Variants in IL1RAPL2 observed in about 807,000 individuals in gnomAD.
The protein encoded by IL1RAPL2 is interleukin 1 receptor accessory protein like 2, also known as X-linked interleukin-1 receptor accessory protein-like 2.
Under a neutral mutation model 44.1 loss-of-function variants are expected in IL1RAPL2, and 3 were observed. That is an observed-to-expected ratio of 0.07 (90% CI 0.03 to 0.18). The LOEUF (loss-of-function observed/expected upper bound fraction) is 0.18. Ranked by LOEUF, IL1RAPL2 falls within the 10% of genes least tolerant of loss-of-function variation. The pLI is 1.00. For synonymous variants in IL1RAPL2, 181 were observed against 178.8 expected (o/e 1.01, Z -0.10); for missense variants, 391 against 496.4 (o/e 0.79, Z 2.02).
intron 5 of IL1RAPL2, among the ~76,000 whole-genome samples, chrX:105,352,264 GA>G (rs2035162053): frequency 9.0e-6 from 1 of 111,103 alleles, no homozygotes; most frequent in Non-Finnish European, 1.9e-5. Context: ...ACAAATCCAT[GA>G]AATCCAAAAT....
At chrX:104,689,000 A>G (rs1016802467) in intron 2 of IL1RAPL2, among the ~76,000 whole-genome samples, 1 of 111,437 alleles carries the variant, frequency 9.0e-6, no homozygotes, top group Non-Finnish European at 1.9e-5. Flanking sequence ...TCTAAGCCCA[A>G]TGTGCGCCTA....
intron 2 of IL1RAPL2, among the ~76,000 whole-genome samples, chrX:104,709,242 A>C (rs1931412743): frequency 9.2e-6 from 1 of 108,961 alleles, no homozygotes; most frequent in African/African-American, 3.3e-5. Context: ...CAGAGAAGAC[A>C]CTCTGAAATT....
chrX:105,541,882 G>A (rs2036739219), intron 6 of IL1RAPL2, among the ~76,000 whole-genome samples: 1 of 111,063 alleles, frequency 9.0e-6, no homozygotes, highest in African/African-American at 3.3e-5. Flanking sequence ...TAGTAGGGTA[G>A]TTCAAGCCAC....
At chrX:105,638,263 CTTTT>C (rs1222603749) in intron 6 of IL1RAPL2, among the ~76,000 whole-genome samples, 1 of 109,410 alleles carries the variant, frequency 9.1e-6, no homozygotes, top group African/African-American at 3.3e-5. Context: ...TTCTTCTTTT[CTTTT>C]TTTTTCTTTT....
chrX:105,736,149 G>T (rs375181746), intron 7 of IL1RAPL2, among the ~76,000 whole-genome samples: 2 of 111,550 alleles, frequency 1.8e-5, no homozygotes, highest in African/African-American at 6.5e-5. Context: ...AATAAATGGT[G>T]CTGGGATTAT....
intron 5 of IL1RAPL2, among the ~76,000 whole-genome samples, chrX:105,312,206 G>A (rs1322209897): frequency 9.0e-6 from 1 of 111,404 alleles, no homozygotes. Flanking sequence ...TGGAATGGAT[G>A]GAAAGAAAGG....
At position 104,879,372 on chromosome X, in the gene IL1RAPL2, A is replaced by AAAAAAAAAAAAAG. The variant is rs1190843539; in HGVS notation, c.82+220379_82+220391dup. Among the ~76,000 whole-genome samples, 230 of 102,620 alleles carry AAAAAAAAAAAAAG rather than the reference A, an allele frequency of 2.2e-3. 6 individuals carry two copies. Among genetic ancestry groups the AAAAAAAAAAAAAG allele is most frequent in the Non-Finnish European group, 2.4e-3 (120 of 50,277 alleles). 89.1% of individuals were successfully genotyped at this position (102,620 alleles called of 115,157 possible). On this transcript the variant is annotated intron_variant, in intron 2 of 10. Transcript: ENST00000372582. ...GAGACCAAGCAAAACTAGTAAAAAA[A>AAAAAAAAAAAAAG]AAAAAAAAAAAAGAGTGCAGAAAAC...
chrX:104,886,907 C>T (rs1246544827), intron 2 of IL1RAPL2, among the ~76,000 whole-genome samples: 3 of 111,991 alleles, frequency 2.7e-5, no homozygotes, highest in Non-Finnish European at 3.8e-5. Context: ...TTTTGGCTAC[C>T]AGTTTGGAAA....
At chrX:105,109,834 C>T (rs2032783557) in intron 2 of IL1RAPL2, among the ~76,000 whole-genome samples, 1 of 112,212 alleles carries the variant, frequency 8.9e-6, no homozygotes, top group Non-Finnish European at 1.9e-5. Flanking sequence ...TAGAAAAATG[C>T]TGAGTGACTT....
intron 5 of IL1RAPL2, among the ~76,000 whole-genome samples, chrX:105,384,310 T>C (rs1183090432): frequency 1.8e-5 from 2 of 111,602 alleles, no homozygotes; most frequent in African/African-American, 3.3e-5. Flanking sequence ...GGGACCTAGT[T>C]TTATTATTTT....
At chrX:105,253,276 G>A (rs2147648238) in intron 4 of IL1RAPL2, among the ~76,000 whole-genome samples, 1 of 110,664 alleles carries the variant, frequency 9.0e-6, no homozygotes, top group Admixed American at 9.7e-5. Flanking sequence ...TTTCTTGTTG[G>A]GAAGTTTCTA....
At chrX:104,835,541 G>A (rs1921719705) in intron 2 of IL1RAPL2, among the ~76,000 whole-genome samples, 1 of 111,337 alleles carries the variant, frequency 9.0e-6, no homozygotes, top group African/African-American at 3.3e-5. Flanking sequence ...ATTTAGATTT[G>A]AATTTTTTTG....
chrX:105,408,970 G>C (rs1290654050), intron 5 of IL1RAPL2, among the ~76,000 whole-genome samples: 1 of 110,603 alleles, frequency 9.0e-6, no homozygotes, highest in African/African-American at 3.3e-5. Context: ...TTGTCTCTGA[G>C]CTTTAATGCC....
intron 1 of IL1RAPL2, among the ~76,000 whole-genome samples, chrX:104,581,598 G>C (rs1294164712): frequency 2.7e-5 from 3 of 111,416 alleles, no homozygotes; most frequent in Non-Finnish European, 3.8e-5. Flanking sequence ...GGAACATTGG[G>C]GATGGAAAGT....
chrX:105,505,904 G>A (rs766655221), intron 6 of IL1RAPL2, among the ~76,000 whole-genome samples: 1 of 111,931 alleles, frequency 8.9e-6, no homozygotes, highest in East Asian at 2.8e-4. Context: ...GGCAAAAGCT[G>A]AAGGCAATTC....
chrX:104,911,114 A>G (rs1924223384), intron 2 of IL1RAPL2, among the ~76,000 whole-genome samples: 2 of 111,822 alleles, frequency 1.8e-5, no homozygotes, highest in South Asian at 7.4e-4. Context: ...TCATAAACCA[A>G]TAAGCTTAAG....
In IL1RAPL2 at chrX:105,565,876, G is replaced by T. The variant is rs186745705; in HGVS notation, c.772+81489G>T. On this transcript the variant is annotated intron_variant, in intron 6 of 10. Transcript: ENST00000372582. ...AAATGGGGCAAAGAAATAAGGAGAA[G>T]AAAAGGTTGTAGGGTAGTCAGGAGA... is the stretch of plus-strand genomic sequence containing the variant. Among the ~76,000 whole-genome samples the T allele has an allele frequency of 1.7e-4, 19 of 112,213 alleles. No homozygotes were observed. In the East Asian group the frequency reaches 5.3e-3, roughly 32 times the overall value.
intron 6 of IL1RAPL2, among the ~76,000 whole-genome samples, chrX:105,517,757 C>G (rs1444959399): frequency 9.0e-6 from 1 of 111,411 alleles, no homozygotes; most frequent in Non-Finnish European, 1.9e-5. Flanking sequence ...ACTAGAAAGA[C>G]AAATTTGGGT....
intron 2 of IL1RAPL2, among the ~76,000 whole-genome samples, chrX:104,986,824 A>C (rs767216513): frequency 1.8e-5 from 2 of 112,027 alleles, no homozygotes; most frequent in Admixed American, 9.4e-5. Context: ...ATTGCCTGGG[A>C]TTTTGTGTAT....
Sources: gnomAD v4.1 joint callset for allele counts (sites outside exome capture counted in the v4.1 genomes callset) on GRCh38, gnomAD v4.1.1 for gene constraint, MANE v1.5 for transcripts, NCBI Gene and HGNC (gene_info 2026-07-23, HGNC 2026-07-21) for gene names.